GCNT4: variants seen among roughly 807,000 people sequenced by gnomAD.
GCNT4 encodes glucosaminyl (N-acetyl) transferase 4.
In GCNT4, 17 loss-of-function variants were observed where a neutral mutation model predicts 31.3. The observed-to-expected ratio is 0.54, with a 90% CI of 0.37 to 0.81. The LOEUF (loss-of-function observed/expected upper bound fraction) is 0.81. GCNT4 is among the 40% of genes least tolerant of loss of function. GCNT4 has a pLI of 0.00. For synonymous variants in GCNT4, 158 were observed against 190.6 expected, an observed-to-expected ratio of 0.83 and a Z score of 1.41; for missense variants, 503 against 525.5, an observed-to-expected ratio of 0.96 and a Z score of 0.42.
rs1014087629 is a variant in GCNT4 at position 75,026,818 on chromosome 5, C to G, written c.*1858G>C. ...ATCTTTTGCAGAACTTGGCTCTATACAATGTTTACTTATTTTGAAGAATGG... is the reference window on the plus strand; with the variant it reads ...ATCTTTTGCAGAACTTGGCTCTATAGAATGTTTACTTATTTTGAAGAATGG... On this transcript the variant is annotated 3_prime_UTR_variant, in exon 4 of 4. Transcript: ENST00000652361. 1.3e-5 allele frequency: 2 copies of G among 151,906 alleles called. No homozygotes were observed. Among genetic ancestry groups the G allele is most frequent in the East Asian group, 3.9e-4 (2 of 5,184 alleles). 9.4% of individuals were successfully genotyped at this position (151,906 alleles called of 1,614,324 possible).
chr5:75,020,748 C>G (rs1168676802), downstream of GCNT4, among the ~76,000 whole-genome samples: 1 of 152,030 alleles, frequency 6.6e-6, no homozygotes, highest in East Asian at 1.9e-4. Flanking sequence ...CACTTCTGAC[C>G]TACAAAAACA....
chr5:75,045,499 T>C (rs1743417805), intron 3 of GCNT4, among the ~76,000 whole-genome samples: 1 of 152,246 alleles, frequency 6.6e-6, no homozygotes, highest in South Asian at 2.1e-4. Flanking sequence ...CCATTGTATG[T>C]ATACATTACA....
chr5:75,041,527 T>A (rs1416806908), intron 3 of GCNT4, among the ~76,000 whole-genome samples: 1 of 152,180 alleles, frequency 6.6e-6, no homozygotes, highest in Non-Finnish European at 1.5e-5. Flanking sequence ...CTCTATAGAT[T>A]ATAATTCTTC....
chr5:75,027,330 CATATACAAT>C lies in GCNT4; in HGVS notation c.*1337_*1345del, dbSNP rs1742968281. The C allele has an allele frequency of 2.2e-5, 1 of 44,906 alleles. No homozygotes were observed. The highest frequency in any genetic ancestry group is 3.5e-4 in the Admixed American group (1 of 2,854). The allele number at this position is 44,906 out of a possible 1,614,324, so 2.8% of individuals were successfully genotyped here. Reference sequence around the variant, plus strand: ...ATTATATGTATATATAATATATATTCATATACAATATATGTATATATAATATATATATTT... The same window carrying C: ...ATTATATGTATATATAATATATATTCATATGTATATATAATATATATATTT... On this transcript the variant is annotated 3_prime_UTR_variant, in exon 4 of 4. Transcript: ENST00000652361.
intron 3 of GCNT4, among the ~76,000 whole-genome samples, chr5:75,033,208 A>T (rs755749163): frequency 1.6e-4 from 24 of 152,216 alleles, no homozygotes; most frequent in Non-Finnish European, 3.2e-4. Flanking sequence ...CTTGTCACTC[A>T]TTTCCAGGGC....
intron 3 of GCNT4, among the ~76,000 whole-genome samples, chr5:75,038,879 G>C (rs1743257049): frequency 6.6e-6 from 1 of 152,108 alleles, no homozygotes; most frequent in Non-Finnish European, 1.5e-5. Flanking sequence ...GACAGAGGAG[G>C]GATGCCCAAC....
chr5:75,045,927 G>C (rs910957557), intron 3 of GCNT4, among the ~76,000 whole-genome samples: 2 of 151,304 alleles, frequency 1.3e-5, no homozygotes, highest in African/African-American at 4.9e-5. Context: ...CTAGCATTTG[G>C]AAATGTTTTT....
chr5:75,050,518 C>A (rs1743544946), intron 2 of GCNT4, among the ~76,000 whole-genome samples: 1 of 152,062 alleles, frequency 6.6e-6, no homozygotes, highest in Non-Finnish European at 1.5e-5. Context: ...GGATTCAGAC[C>A]ACACCCCTCG....
At chr5:75,039,244 C>T (rs764137211) in intron 3 of GCNT4, among the ~76,000 whole-genome samples, 1 of 152,106 alleles carries the variant, frequency 6.6e-6, no homozygotes, top group Non-Finnish European at 1.5e-5. Context: ...CACCCACCAC[C>T]ACGCCTGGCT....
At chr5:75,051,175 C>A (rs372793595) in intron 2 of GCNT4, among the ~76,000 whole-genome samples, 1 of 152,342 alleles carries the variant, frequency 6.6e-6, no homozygotes, top group East Asian at 1.9e-4. Flanking sequence ...TCTCCCCTCC[C>A]CCATGGCTGC....
chr5:75,048,716 C>T (rs1025214832), intron 2 of GCNT4, among the ~76,000 whole-genome samples: 2 of 152,166 alleles, frequency 1.3e-5, no homozygotes, highest in African/African-American at 4.8e-5. Flanking sequence ...AAGGGACCAA[C>T]CCACTCTGCT....
At chr5:75,046,552 T>G (rs746146447) in intron 3 of GCNT4, among the ~76,000 whole-genome samples, 36 of 152,116 alleles carry the variant, frequency 2.4e-4, no homozygotes, top group Non-Finnish European at 4.6e-4. Flanking sequence ...GCTTGCAGAC[T>G]CTTTGGAAAC....
At position 75,025,795 on chromosome 5, in the gene GCNT4, C is replaced by T. The variant is rs550830592; in HGVS notation, c.*2881G>A. ...CTAATATCCCAAGAGATTGTTCACA[C>T]AATATAGACTATTTTGGTAGCTCTT... is the stretch of plus-strand genomic sequence containing the variant. On this transcript the variant is annotated 3_prime_UTR_variant, in exon 4 of 4. Coordinates refer to ENST00000652361, the MANE Select transcript of GCNT4 (RefSeq NM_001366737.1). The T allele has an allele frequency of 5.9e-5, 9 of 152,274 alleles. No homozygotes were observed. The highest frequency in any genetic ancestry group is 5.2e-4 in the Admixed American group (8 of 15,292). The allele number at this position is 152,274 out of a possible 1,614,324, so 9.4% of individuals were successfully genotyped here.
chr5:75,048,064 G>A (rs1168885035), intron 2 of GCNT4, 27 bp from the exon 3 acceptor site: 1 of 152,190 alleles, frequency 6.6e-6, no homozygotes, highest in Non-Finnish European at 1.5e-5. Context: ...TGTGCAGGAG[G>A]ACTTTAGAAT....
intron 3 of GCNT4, chr5:75,030,357 G>A (rs965553482): frequency 8.2e-6 from 2 of 245,020 alleles, no homozygotes; most frequent in African/African-American, 2.3e-5. Flanking sequence ...GCATATTTGA[G>A]GAGGGATTGC....
At chr5:75,046,913 A>G (rs1218893002) in intron 3 of GCNT4, among the ~76,000 whole-genome samples, 2 of 152,328 alleles carry the variant, frequency 1.3e-5, no homozygotes, top group East Asian at 3.9e-4. Context: ...CCTTAAGTGA[A>G]ATGAGAAAGT....
chr5:75,053,497 G>A (rs903093769), upstream of GCNT4, among the ~76,000 whole-genome samples: 14 of 152,110 alleles, frequency 9.2e-5, no homozygotes, highest in African/African-American at 3.1e-4. Context: ...GCTCCCCCGC[G>A]TGGCCAAGTC....
chr5:75,037,006 C>A (rs1743213830), intron 3 of GCNT4, among the ~76,000 whole-genome samples: 1 of 152,190 alleles, frequency 6.6e-6, no homozygotes, highest in Non-Finnish European at 1.5e-5. Flanking sequence ...TGTATTATTA[C>A]ATATCAGTTT....
At chr5:75,044,219 G>A (rs1743386709) in intron 3 of GCNT4, among the ~76,000 whole-genome samples, 1 of 152,054 alleles carries the variant, frequency 6.6e-6, no homozygotes, top group South Asian at 2.1e-4. Flanking sequence ...TCAGTACCAT[G>A]TAGATATCAA....
Sources: gnomAD v4.1 joint callset for allele counts (sites outside exome capture counted in the v4.1 genomes callset) on GRCh38, gnomAD v4.1.1 for gene constraint, MANE v1.5 for transcripts, NCBI Gene and HGNC (gene_info 2026-07-23, HGNC 2026-07-21) for gene names.